Variants in BMPR1B observed in about 807,000 individuals in gnomAD.
The protein encoded by BMPR1B is bone morphogenetic protein receptor type-1B.
Under a neutral mutation model 59.1 loss-of-function variants are expected in BMPR1B, and 12 were observed. The ratio of observed to expected loss-of-function variants is 0.20; its 90% confidence interval spans 0.13 to 0.33. The LOEUF (loss-of-function observed/expected upper bound fraction) is 0.33. Ranked by LOEUF, BMPR1B falls within the 10% of genes least tolerant of loss-of-function variation. The probability of loss-of-function intolerance (pLI) is 1.00; values close to 1 mark genes in which losing one functional copy is unlikely to be tolerated. For synonymous variants in BMPR1B, 237 were observed against 207.3 expected, an observed-to-expected ratio of 1.14 and a Z score of -1.23; for missense variants, 550 against 610.9, an observed-to-expected ratio of 0.90 and a Z score of 1.05.
At chr4:94,998,847 T>C (rs1578902445) in intron 3 of BMPR1B, among the ~76,000 whole-genome samples, 1 of 152,202 alleles carries the variant, frequency 6.6e-6, no homozygotes, top group East Asian at 1.9e-4. Flanking sequence ...TGCCGTTCCT[T>C]TTGGGCTGTT....
chr4:94,880,633 G>A (rs1726922520), intron 2 of BMPR1B, among the ~76,000 whole-genome samples: 1 of 135,474 alleles, frequency 7.4e-6, no homozygotes, highest in Non-Finnish European at 1.6e-5. Context: ...CCATTAAAAT[G>A]AATTTTTTTT....
intron 1 of BMPR1B, among the ~76,000 whole-genome samples, chr4:94,824,324 C>G (rs1198799164): frequency 6.6e-6 from 1 of 152,150 alleles, no homozygotes; most frequent in Non-Finnish European, 1.5e-5. Context: ...TCAGATGCTT[C>G]TTTGTGCTGG....
At chr4:94,826,373 A>G (rs1291510046) in intron 1 of BMPR1B, among the ~76,000 whole-genome samples, 2 of 141,286 alleles carry the variant, frequency 1.4e-5, no homozygotes, top group South Asian at 2.4e-4. Flanking sequence ...TTCTTTCACC[A>G]TGTTTTAAAG....
chr4:94,806,074 C>G (rs1250117103), intron 1 of BMPR1B, among the ~76,000 whole-genome samples: 1 of 152,022 alleles, frequency 6.6e-6, no homozygotes, highest in African/African-American at 2.4e-5. Flanking sequence ...AATATTTTTC[C>G]AAGTTAAGAC....
Position 94,931,094 on chromosome 4 carries a change from C to T in BMPR1B, c.-113+55194C>T, listed in dbSNP as rs542481464. Reference sequence around the variant, plus strand: ...GTTTCTACTATTGAATAGGGTTTTGCGTGATTCTGGCCTCTGACTTTATGC... The same window carrying T: ...GTTTCTACTATTGAATAGGGTTTTGTGTGATTCTGGCCTCTGACTTTATGC... On this transcript the variant is annotated intron_variant, in intron 2 of 12. Coordinates refer to ENST00000515059, the MANE Select transcript of BMPR1B (RefSeq NM_001203.3). Among the ~76,000 whole-genome samples the T allele has an allele frequency of 2.6e-5, 4 of 152,150 alleles. No individual in the cohort carries two copies. The South Asian group carries it at 6.2e-4, about 24-fold the overall frequency.
chr4:95,029,137 T>G (rs974405979), intron 3 of BMPR1B, among the ~76,000 whole-genome samples: 1 of 152,106 alleles, frequency 6.6e-6, no homozygotes, highest in Non-Finnish European at 1.5e-5. Flanking sequence ...AGGGTACATA[T>G]GCACAATGTG....
intron 3 of BMPR1B, among the ~76,000 whole-genome samples, chr4:95,039,214 C>G (rs112078102): frequency 6.8e-4 from 104 of 152,292 alleles, no homozygotes; most frequent in African/African-American, 2.3e-3. Context: ...AGTTCGTCCT[C>G]TTTACCTCCA....
rs143931165 is a variant in BMPR1B at position 94,881,885 on chromosome 4, A to C, written c.-113+5985A>C. On this transcript the variant is annotated intron_variant, in intron 2 of 12. Coordinates refer to ENST00000515059, the MANE Select transcript of BMPR1B (RefSeq NM_001203.3). Reference sequence around the variant, plus strand: ...AAAATAATCTTTGTTAAATAGGCTGAGATATCCTGTAGTGGTTTATAAGTG... The same window carrying C: ...AAAATAATCTTTGTTAAATAGGCTGCGATATCCTGTAGTGGTTTATAAGTG... Among the ~76,000 whole-genome samples, 1,511 of 152,276 alleles carry C rather than the reference A, an allele frequency of 9.9e-3. 23 individuals are homozygous for C. The highest frequency in any genetic ancestry group is 0.035 in the African/African-American group (1,446 of 41,560).
At chr4:95,136,050 T>C (rs1733757465) in intron 10 of BMPR1B, among the ~76,000 whole-genome samples, 1 of 152,158 alleles carries the variant, frequency 6.6e-6, no homozygotes, top group African/African-American at 2.4e-5. Context: ...AATAACTAGT[T>C]TTTTGAGAGT....
chr4:94,914,762 A>T (rs1018470622), intron 2 of BMPR1B, among the ~76,000 whole-genome samples: 1 of 152,112 alleles, frequency 6.6e-6, no homozygotes, highest in Non-Finnish European at 1.5e-5. Context: ...GAAATGGGTG[A>T]CCGACATACA....
chr4:94,831,047 G>C (rs1355401352), intron 1 of BMPR1B, among the ~76,000 whole-genome samples: 1 of 152,112 alleles, frequency 6.6e-6, no homozygotes, highest in Non-Finnish European at 1.5e-5. Context: ...AGGTCCTTTA[G>C]GAGGCATTCC....
In BMPR1B at chr4:94,770,180, G is replaced by GGTTTTT. The variant is rs771544268; in HGVS notation, c.-183+12112_-183+12113insGTTTTT. Among the ~76,000 whole-genome samples, 31 of 106,266 alleles carry GGTTTTT rather than the reference G, an allele frequency of 2.9e-4. 2 individuals are homozygous for GGTTTTT. The highest frequency in any genetic ancestry group is 9.5e-4 in the African/African-American group (23 of 24,204). The allele number at this position is 106,266 out of a possible 152,430, so 69.7% of individuals were successfully genotyped here. A position where few individuals can be genotyped will look rare whatever the true frequency, so the allele number is the denominator to read the frequency against. ...TTTGTTTGAATTGTCCTTCGTTTCT[G>GGTTTTT]TGTTTGTTTTTTTTTTTTTTTTTTG... On this transcript the variant is annotated intron_variant, in intron 1 of 12. Transcript: ENST00000515059.
rs2149335539 is a variant in BMPR1B, at chr4:95,156,752, A to G, written c.*2079A>G. 1 of 152,268 alleles carries G rather than the reference A, an allele frequency of 6.6e-6. No homozygotes were observed. The highest frequency in any genetic ancestry group is 2.4e-5 in the African/African-American group (1 of 41,572). 9.4% of individuals were successfully genotyped at this position (152,268 alleles called of 1,614,324 possible). A position where few individuals can be genotyped will look rare whatever the true frequency, so the allele number is the denominator to read the frequency against. ...TTCAATTGATATTAAAAATAACCTC[A>G]ATAATAATGTAAAGGTTCCTTTCTC... is the stretch of plus-strand genomic sequence containing the variant. On this transcript the variant is annotated 3_prime_UTR_variant, in exon 13 of 13. Transcript: ENST00000515059.
chr4:94,880,192 T>C (rs998638467), intron 2 of BMPR1B, among the ~76,000 whole-genome samples: 2 of 152,196 alleles, frequency 1.3e-5, no homozygotes, highest in Non-Finnish European at 2.9e-5. Context: ...TTATATGTCT[T>C]TGGTTGGTTC....
chr4:94,798,771 A>G (rs1723287572), intron 1 of BMPR1B, among the ~76,000 whole-genome samples: 1 of 151,876 alleles, frequency 6.6e-6, no homozygotes, highest in African/African-American at 2.4e-5. Context: ...GCAGAATGTT[A>G]TTTACCCCTT....
At chr4:95,032,441 G>GT (rs1211930878) in intron 3 of BMPR1B, among the ~76,000 whole-genome samples, 1 of 152,124 alleles carries the variant, frequency 6.6e-6, no homozygotes, top group African/African-American at 2.4e-5. Context: ...AACACGGGAA[G>GT]TAGGGAGGCT....
chr4:95,008,644 GAAAC>G (rs1723016090), intron 3 of BMPR1B, among the ~76,000 whole-genome samples: 1 of 151,904 alleles, frequency 6.6e-6, no homozygotes, highest in African/African-American at 2.4e-5. Flanking sequence ...AAATAATAAA[GAAAC>G]AAATTAATTA....
intron 3 of BMPR1B, among the ~76,000 whole-genome samples, chr4:94,996,586 G>A (rs894064720): frequency 6.6e-5 from 10 of 152,146 alleles, no homozygotes; most frequent in African/African-American, 2.2e-4. Flanking sequence ...TGGGAATTGG[G>A]GTAACATGGG....
intron 2 of BMPR1B, among the ~76,000 whole-genome samples, chr4:94,898,888 A>G (rs1578777271): frequency 2.6e-5 from 4 of 152,182 alleles, no homozygotes; most frequent in African/African-American, 9.6e-5. Context: ...GTATAGTTGT[A>G]TTAATTTCTT....
Sources: allele counts gnomAD v4.1 joint callset (sites outside exome capture counted in the v4.1 genomes callset), GRCh38; gene constraint gnomAD v4.1.1; transcripts MANE v1.5; gene names NCBI Gene and HGNC (gene_info 2026-07-23, HGNC 2026-07-21).